The following IRF2 variants were observed in gnomAD, a reference collection of about 807,000 sequenced individuals.
IRF2 encodes the protein interferon regulatory factor 2.
A neutral mutation model predicts 40.6 loss-of-function variants in IRF2; 15 were observed. The observed-to-expected ratio is 0.37, with a 90% CI of 0.25 to 0.57. The LOEUF (loss-of-function observed/expected upper bound fraction) is 0.57. Among genes scored for constraint, IRF2 ranks in the 20% least tolerant of loss-of-function variants. The pLI, the probability that IRF2 is intolerant of heterozygous loss-of-function variation, is 0.77. For missense variants in IRF2, 317 were observed against 455.7 expected (o/e 0.70, Z 2.77); for synonymous variants, 151 against 165.5 (o/e 0.91, Z 0.67).
intron 6 of IRF2, among the ~76,000 whole-genome samples, chr4:184,407,757 T>C (rs928097109): frequency 1.3e-5 from 2 of 152,234 alleles, no homozygotes; most frequent in African/African-American, 4.8e-5. Context: ...CATGTCTCTG[T>C]GCCTCAGTTT....
At chr4:184,411,271 C>T (rs3775559) in intron 5 of IRF2, among the ~76,000 whole-genome samples, 41,599 of 151,858 alleles carry the variant, frequency 0.27, 5,858 homozygotes, top group Admixed American at 0.35. Context: ...GTTGGCCAGG[C>T]TGGTCTCGAA....
At chr4:184,404,077 T>A (rs1312075650) in intron 6 of IRF2, among the ~76,000 whole-genome samples, 3 of 152,184 alleles carry the variant, frequency 2.0e-5, no homozygotes. Flanking sequence ...CTCCCATGCC[T>A]CAGAGAAAGT....
At chr4:184,412,382 C>T (rs1239328895) in intron 5 of IRF2, among the ~76,000 whole-genome samples, 3 of 152,084 alleles carry the variant, frequency 2.0e-5, no homozygotes, top group Non-Finnish European at 2.9e-5. Flanking sequence ...CCCTCTGCTC[C>T]GAGCCCATGC....
chr4:184,412,066 A>T (rs1737097775), intron 5 of IRF2, among the ~76,000 whole-genome samples: 1 of 151,722 alleles, frequency 6.6e-6, no homozygotes, highest in Non-Finnish European at 1.5e-5. Context: ...ACGGTGCATG[A>T]ACTCCAGCAA....
intron 1 of IRF2, among the ~76,000 whole-genome samples, chr4:184,443,853 CA>C (rs1738404232): frequency 6.6e-6 from 1 of 152,224 alleles, no homozygotes; most frequent in African/African-American, 2.4e-5. Context: ...TCTATGACCA[CA>C]ACTCCTGCTG....
chr4:184,446,795 T>C (rs748483887), intron 1 of IRF2, among the ~76,000 whole-genome samples: 3 of 148,080 alleles, frequency 2.0e-5, no homozygotes, highest in Non-Finnish European at 4.5e-5. Flanking sequence ...CTACTAAAAA[T>C]AAAAAAAAAA....
chr4:184,405,279 G>A (rs1409261804), intron 6 of IRF2, among the ~76,000 whole-genome samples: 1 of 152,118 alleles, frequency 6.6e-6, no homozygotes, highest in African/African-American at 2.4e-5. Context: ...CTCAGTAGAG[G>A]TAACCAGTGT....
At chr4:184,463,660 T>A (rs11729266) in intron 1 of IRF2, among the ~76,000 whole-genome samples, 103,280 of 151,476 alleles carry the variant, frequency 0.68, 35,761 homozygotes, top group Middle Eastern at 0.82. Context: ...ATATATATAT[T>A]TTTTTTTTGA....
intron 6 of IRF2, among the ~76,000 whole-genome samples, chr4:184,407,590 C>G (rs1047366685): frequency 5.9e-5 from 9 of 152,346 alleles, no homozygotes; most frequent in Non-Finnish European, 1.3e-4. Flanking sequence ...CACATGGTAA[C>G]ACTGCAGTTA....
chr4:184,449,761 TG>T (rs2149912493), intron 1 of IRF2, among the ~76,000 whole-genome samples: 1 of 151,692 alleles, frequency 6.6e-6, no homozygotes, highest in Admixed American at 6.6e-5. Context: ...ATGTAGATCT[TG>T]TTTATTTTAT....
At position 184,394,630 on chromosome 4, in the gene IRF2, G is replaced by A. The variant is rs1736379403; in HGVS notation, c.695-3881C>T. ...TACTGATGGCTGCTGGTCAGCAGGC[G>A]ATCTCCACTCTCTCATTATAGCCAG... is the stretch of plus-strand genomic sequence containing the variant. On this transcript the variant is annotated intron_variant, in intron 7 of 8. Transcript: ENST00000393593. 3.3e-5 allele frequency among the ~76,000 whole-genome samples: 5 copies of A among 152,066 alleles called. No individual in the cohort carries two copies. In the South Asian group the frequency reaches 8.3e-4, roughly 25 times the overall value.
rs762752435 is a variant in IRF2, at chr4:184,418,659, C to A, written c.237G>T (p.Ala79=). The A allele has an allele frequency of 6.2e-7, 1 of 1,614,078 alleles. No homozygotes were observed. Among genetic ancestry groups the A allele is most frequent in the Non-Finnish European group, 8.5e-7 (1 of 1,179,960 alleles). The change falls in exon 4 of 9, where the codon GCG becomes GCT. Residue 79 remains alanine (A), a synonymous_variant. Coordinates refer to ENST00000393593, the MANE Select transcript of IRF2 (RefSeq NM_002199.4). The part of the protein sequence containing the change: ...VDKPDPKTWK[A]NFRCAMNSLP... ...AGGAATTCATGGCGCATCTGAAATT[C>A]GCCTTCCATGTTTTGGGATCAGGTT... is the stretch of plus-strand genomic sequence containing the variant.
intron 1 of IRF2, chr4:184,449,072 AG>A (rs1738620867): frequency 6.6e-6 from 1 of 152,530 alleles, no homozygotes; most frequent in African/African-American, 2.4e-5. Flanking sequence ...AACCGAAACC[AG>A]GGGTGAAGAA....
chr4:184,450,288 G>A (rs1373264000), intron 1 of IRF2, among the ~76,000 whole-genome samples: 1 of 152,152 alleles, frequency 6.6e-6, no homozygotes. Context: ...CAGTTTCAGA[G>A]CATTTTGGAT....
chr4:184,418,311 T>C (rs756677219), intron 4 of IRF2, 98 bp from the exon 5 acceptor site: 7 of 1,070,184 alleles, frequency 6.5e-6, no homozygotes, highest in East Asian at 2.4e-5. Flanking sequence ...TCAATGAACC[T>C]GTTGCTTTAA....
At chr4:184,425,061 C>T (rs1240699868) in intron 2 of IRF2, among the ~76,000 whole-genome samples, 1 of 152,218 alleles carries the variant, frequency 6.6e-6, no homozygotes, top group Non-Finnish European at 1.5e-5. Context: ...GTGCATGGGG[C>T]TCCCAGCCTG....
At chr4:184,438,004 A>G (rs762582019) in intron 1 of IRF2, among the ~76,000 whole-genome samples, 1 of 152,192 alleles carries the variant, frequency 6.6e-6, no homozygotes, top group Non-Finnish European at 1.5e-5. Context: ...AAGAATTTCC[A>G]TGAAAGTTAT....
chr4:184,408,186 A>AT lies in IRF2; in HGVS notation c.500dup (p.Asn167LysfsTer2). ...TGATGTTCACCGTACTATCCACTTC[A>AT]TTTTTTATAGTTGAAGTCAGGACCG... On this transcript the variant is annotated frameshift_variant, in exon 6 of 9. Transcript: ENST00000393593. LOFTEE classifies it high-confidence loss of function. The surrounding 1 kb of genome is among the most constrained non-coding windows in gnomAD (Gnocchi z 4.9). 1.2e-6 allele frequency: 2 copies of AT among 1,610,532 alleles called. No homozygotes were observed. The highest frequency in any genetic ancestry group is 1.7e-6 in the Non-Finnish European group (2 of 1,176,712).
chr4:184,410,933 CTG>C (rs1365037642), intron 5 of IRF2, among the ~76,000 whole-genome samples: 1 of 152,194 alleles, frequency 6.6e-6, no homozygotes, highest in Non-Finnish European at 1.5e-5. Context: ...GAACTGAACT[CTG>C]TCTTTGGTCA....
Sources: allele counts gnomAD v4.1 joint callset (sites outside exome capture counted in the v4.1 genomes callset), GRCh38; gene constraint gnomAD v4.1.1; non-coding constraint Gnocchi (gnomAD v3.1); transcripts MANE v1.5; gene names NCBI Gene and HGNC (gene_info 2026-07-23, HGNC 2026-07-21).